Variants in ANO2 observed in about 807,000 individuals in gnomAD.
ANO2 encodes the protein anoctamin 2, also known as anoctamin-2.
In ANO2, 101 loss-of-function variants were observed where a neutral mutation model predicts 124.2. The observed-to-expected ratio is 0.81, with a 90% confidence interval of 0.69 to 0.96. The LOEUF (loss-of-function observed/expected upper bound fraction) is 0.96. Among genes scored for constraint, ANO2 ranks in the 40% least tolerant of loss-of-function variants. ANO2 has a pLI of 0.00. For missense variants in ANO2, 1,293 were observed against 1,274.5 expected, an observed-to-expected ratio of 1.01 and a Z score of -0.22; for synonymous variants, 486 against 482.5, an observed-to-expected ratio of 1.01 and a Z score of -0.09.
Position 5,834,753 on chromosome 12 carries a change from G to A in ANO2, c.634-2150C>T, listed in dbSNP as rs909823099. Among the ~76,000 whole-genome samples, 6 of 152,242 alleles carry A rather than the reference G, an allele frequency of 3.9e-5. No homozygotes were observed. In the South Asian group the frequency reaches 6.2e-4, roughly 16 times the overall value. ...AAACATTAAAGTATATTAACTAAACGTTAGGAGTTTCCTTTGACTTCCAAC... is the reference window on the plus strand; with the variant it reads ...AAACATTAAAGTATATTAACTAAACATTAGGAGTTTCCTTTGACTTCCAAC... On this transcript the variant is annotated intron_variant, in intron 4 of 24. Coordinates refer to ENST00000682330, the MANE Select transcript of ANO2 (RefSeq NM_001364791.2).
chr12:5,898,354 T>G (rs1365531249), intron 3 of ANO2, among the ~76,000 whole-genome samples: 1 of 152,198 alleles, frequency 6.6e-6, no homozygotes, highest in Admixed American at 6.5e-5. Context: ...CTAAAGCTGG[T>G]CATCACCTGC....
upstream of ANO2, chr12:5,945,280 G>A (rs560316744): frequency 4.8e-6 from 6 of 1,253,222 alleles, no homozygotes; most frequent in African/African-American, 6.2e-5. Context: ...ATGCCGCCGC[G>A]GGGCTAATTC....
At chr12:5,710,237 A>T (rs947397252) in intron 14 of ANO2, among the ~76,000 whole-genome samples, 4 of 152,338 alleles carry the variant, frequency 2.6e-5, no homozygotes, top group African/African-American at 9.6e-5. Context: ...GGCTGCTGCA[A>T]GAGCAGCTCA....
chr12:5,830,378 T>A, intron 6 of ANO2, 57 bp downstream of exon 6: 1 of 1,566,096 alleles, frequency 6.4e-7, no homozygotes, highest in Non-Finnish European at 8.7e-7. Flanking sequence ...CCCTGCCAAC[T>A]AGGAACTCAG....
chr12:5,876,357 T>A (rs892556915), intron 3 of ANO2, among the ~76,000 whole-genome samples: 6 of 152,154 alleles, frequency 3.9e-5, no homozygotes, highest in Non-Finnish European at 8.8e-5. Flanking sequence ...TGTGGAGAAA[T>A]ATGAATGCTT....
intron 4 of ANO2, among the ~76,000 whole-genome samples, chr12:5,848,321 G>C (rs1954750235): frequency 1.3e-5 from 2 of 151,814 alleles, no homozygotes. Context: ...CTTATTTTTA[G>C]TTTCCACTAT....
Position 5,717,757 on chromosome 12 carries a change from G to A in ANO2, c.1545+14763C>T, listed in dbSNP as rs528229987. Among the ~76,000 whole-genome samples, 4 of 152,272 alleles carry A rather than the reference G, an allele frequency of 2.6e-5. No homozygotes were observed. In the South Asian group the frequency reaches 8.3e-4, roughly 32 times the overall value. Reference sequence around the variant, plus strand: ...TACATCCATTGATCTGATCTTGGATGTTCAAAAAAACAAAAGTGGAAATAC... The same window carrying A: ...TACATCCATTGATCTGATCTTGGATATTCAAAAAAACAAAAGTGGAAATAC... On this transcript the variant is annotated intron_variant, in intron 14 of 24. Transcript: ENST00000682330.
At chr12:5,585,361 A>C (rs1259861031) in intron 20 of ANO2, among the ~76,000 whole-genome samples, 2 of 152,190 alleles carry the variant, frequency 1.3e-5, no homozygotes, top group Non-Finnish European at 2.9e-5. Flanking sequence ...AAGTCATAAC[A>C]GGAAGGGACA....
intron 14 of ANO2, among the ~76,000 whole-genome samples, chr12:5,696,242 T>C (rs560355762): frequency 1.3e-5 from 2 of 151,902 alleles, no homozygotes; most frequent in Admixed American, 1.3e-4. Context: ...AGAGAGAAAA[T>C]AGATAAATAT....
intron 14 of ANO2, among the ~76,000 whole-genome samples, chr12:5,678,273 T>C (rs1169739870): frequency 1.3e-5 from 2 of 152,170 alleles, no homozygotes; most frequent in Non-Finnish European, 2.9e-5. Flanking sequence ...GATGGCTATA[T>C]CTCTACCCTC....
intron 3 of ANO2, among the ~76,000 whole-genome samples, chr12:5,868,999 C>A (rs533413221): frequency 1.3e-5 from 2 of 152,166 alleles, no homozygotes; most frequent in South Asian, 4.2e-4. Context: ...GAAACATAGA[C>A]CCTGGAGGGG....
rs71064167 is a variant in ANO2, at chr12:5,739,596, TAC to T, written c.1352-199_1352-198del. Among the ~76,000 whole-genome samples the T allele has an allele frequency of 3.9e-3, 561 of 145,164 alleles. 3 individuals carry two copies. Among genetic ancestry groups the T allele is most frequent in the South Asian group, 9.1e-3 (39 of 4,290 alleles). ...CATCCTTGAGAGCCAATAGATATGT[TAC>T]ACACACACACACACACACACACACA... On this transcript the variant is annotated intron_variant, in intron 12 of 24. Transcript: ENST00000682330.
intron 20 of ANO2, among the ~76,000 whole-genome samples, chr12:5,592,733 G>A (rs1050328422): frequency 1.3e-5 from 2 of 152,208 alleles, no homozygotes; most frequent in Non-Finnish European, 1.5e-5. Context: ...GAGAAATGGT[G>A]AGGGTTCAAA....
chr12:5,901,306 G>C (rs1419099947), intron 3 of ANO2, among the ~76,000 whole-genome samples: 1 of 152,186 alleles, frequency 6.6e-6, no homozygotes, highest in Non-Finnish European at 1.5e-5. Context: ...TGGTGACAAA[G>C]AAATTGCTGG....
intron 14 of ANO2, among the ~76,000 whole-genome samples, chr12:5,731,808 G>A (rs137915120): frequency 5.5e-4 from 84 of 152,194 alleles, no homozygotes; most frequent in Non-Finnish European, 3.1e-4. Context: ...ATGTTTCCAC[G>A]TTTGGAGGTC....
chr12:5,772,529 C>T lies in ANO2; in HGVS notation c.1056-21559G>A, dbSNP rs547537632. On this transcript the variant is annotated intron_variant, in intron 10 of 24. Transcript: ENST00000682330. ...AAATAGTAGATTTTGTCTAATTTTT[C>T]GCTGTAATATGATGATAAATTTTAA... is the stretch of plus-strand genomic sequence containing the variant. Among the ~76,000 whole-genome samples the T allele has an allele frequency of 2.7e-4, 41 of 152,276 alleles. No individual in the cohort carries two copies. The Middle Eastern group carries it at 0.01, about 38-fold the overall frequency.
chr12:5,906,178 G>A (rs1487138474), intron 3 of ANO2, among the ~76,000 whole-genome samples: 2 of 152,086 alleles, frequency 1.3e-5, no homozygotes, highest in East Asian at 3.9e-4. Context: ...GCTAGGAGAA[G>A]GCACCAAGGG....
chr12:5,772,712 G>A (rs183964557), intron 10 of ANO2, among the ~76,000 whole-genome samples: 109 of 152,226 alleles, frequency 7.2e-4, no homozygotes, highest in Admixed American at 1.1e-3. Flanking sequence ...GGATAGACTC[G>A]CCTTTATGTA....
intron 1 of ANO2, among the ~76,000 whole-genome samples, chr12:5,938,984 C>T (rs564074334): frequency 1.3e-4 from 20 of 151,264 alleles, no homozygotes; most frequent in African/African-American, 4.6e-4. Flanking sequence ...TTTGAGAGGC[C>T]GAGGCAGGCG....
Sources: allele counts gnomAD v4.1 joint callset (sites outside exome capture counted in the v4.1 genomes callset), GRCh38; gene constraint gnomAD v4.1.1; transcripts MANE v1.5; gene names NCBI Gene and HGNC (gene_info 2026-07-23, HGNC 2026-07-21).